The following NDUFAF2 variants were observed in gnomAD, a reference collection of about 807,000 sequenced individuals.
NDUFAF2 encodes the protein NADH:ubiquinone oxidoreductase complex assembly factor 2.
A neutral mutation model predicts 22.8 loss-of-function variants in NDUFAF2; 13 were observed. The ratio of observed to expected loss-of-function variants is 0.57; its 90% CI spans 0.37 to 0.91. NDUFAF2 has a LOEUF of 0.91. Among genes scored for constraint, NDUFAF2 ranks in the 40% least tolerant of loss-of-function variants. NDUFAF2 has a pLI of 0.01. For missense variants in NDUFAF2, 162 were observed against 195.2 expected (o/e 0.83, Z 1.01); for synonymous variants, 53 against 64.2 (o/e 0.83, Z 0.84).
At chr5:61,077,322 CAT>C in intron 2 of NDUFAF2, among the ~76,000 whole-genome samples, 1 of 151,752 alleles carries the variant, frequency 6.6e-6, no homozygotes, top group South Asian at 2.1e-4. Context: ...CTGCCAGAAA[CAT>C]AGGAGAAAAA....
intron 3 of NDUFAF2, among the ~76,000 whole-genome samples, chr5:61,127,798 A>G (rs1001246404): frequency 1.3e-5 from 2 of 152,206 alleles, no homozygotes; most frequent in Non-Finnish European, 2.9e-5. Context: ...GGCCAGGGCA[A>G]TCAGACAGGA....
intron 1 of NDUFAF2, among the ~76,000 whole-genome samples, chr5:60,986,060 A>G (rs751555734): frequency 8.5e-5 from 13 of 152,228 alleles, no homozygotes; most frequent in Non-Finnish European, 1.3e-4. Context: ...GTAAAGTAGT[A>G]TAATCACTAT....
At chr5:61,098,906 A>G in intron 2 of NDUFAF2, 86 bp from the exon 3 acceptor site, 1 of 897,118 alleles carries the variant, frequency 1.1e-6, no homozygotes, top group Non-Finnish European at 1.8e-6. Context: ...AATATGGAGT[A>G]GGTACTCAAA....
intron 2 of NDUFAF2, among the ~76,000 whole-genome samples, chr5:61,086,815 A>G (rs1752510347): frequency 1.3e-5 from 2 of 152,156 alleles, no homozygotes; most frequent in Non-Finnish European, 2.9e-5. Flanking sequence ...TAACAGATTT[A>G]TTAGAGCAAA....
At chr5:61,052,769 G>T (rs1234357606) in intron 1 of NDUFAF2, among the ~76,000 whole-genome samples, 1 of 152,078 alleles carries the variant, frequency 6.6e-6, no homozygotes, top group South Asian at 2.1e-4. Flanking sequence ...ACTGAATTAT[G>T]GGTAATGGTA....
At chr5:61,039,277 G>A (rs533136194) in intron 1 of NDUFAF2, among the ~76,000 whole-genome samples, 3 of 151,854 alleles carry the variant, frequency 2.0e-5, no homozygotes, top group African/African-American at 7.2e-5. Context: ...GATGGGAAGA[G>A]ACTATATTTG....
At chr5:60,967,960 C>G (rs1305901910) in intron 1 of NDUFAF2, among the ~76,000 whole-genome samples, 1 of 151,270 alleles carries the variant, frequency 6.6e-6, no homozygotes, top group Non-Finnish European at 1.5e-5. Flanking sequence ...AGCAGTAAAG[C>G]CATCAGGTTA....
intron 1 of NDUFAF2, among the ~76,000 whole-genome samples, chr5:60,988,603 T>G (rs1012846009): frequency 6.6e-6 from 1 of 151,962 alleles, no homozygotes; most frequent in Non-Finnish European, 1.5e-5. Flanking sequence ...TGGAACAGAA[T>G]AGAGAGCCCA....
chr5:61,087,559 G>A (rs760951211), intron 2 of NDUFAF2, among the ~76,000 whole-genome samples: 4 of 152,152 alleles, frequency 2.6e-5, no homozygotes, highest in Non-Finnish European at 5.9e-5. Flanking sequence ...TCTGACTAGA[G>A]TGTAAAATGT....
intron 1 of NDUFAF2, among the ~76,000 whole-genome samples, chr5:61,067,355 T>A (rs1051105955): frequency 1.5e-5 from 2 of 135,098 alleles, no homozygotes; most frequent in Non-Finnish European, 3.1e-5. Flanking sequence ...TTCCCCTTCC[T>A]GTGTCCATAT....
intron 3 of NDUFAF2, among the ~76,000 whole-genome samples, chr5:61,121,692 A>T (rs1294043010): frequency 6.6e-6 from 1 of 152,082 alleles, no homozygotes; most frequent in East Asian, 1.9e-4. Flanking sequence ...GTATACTTTG[A>T]GTGAAGCAGC....
chr5:60,952,112 A>G (rs1038143927), intron 1 of NDUFAF2, among the ~76,000 whole-genome samples: 3 of 151,970 alleles, frequency 2.0e-5, no homozygotes, highest in African/African-American at 7.2e-5. Context: ...TTCTTGGCCT[A>G]TCTGATGAGT....
At chr5:61,142,136 T>C (rs1180494834) in intron 3 of NDUFAF2, among the ~76,000 whole-genome samples, 1 of 152,212 alleles carries the variant, frequency 6.6e-6, no homozygotes, top group Non-Finnish European at 1.5e-5. Flanking sequence ...TTCAATTAAA[T>C]AGGACTAGCA....
At chr5:61,145,931 T>TGACCTCATGCA (rs1180912255) in intron 3 of NDUFAF2, 2 of 152,188 alleles carry the variant, frequency 1.3e-5, no homozygotes, top group Non-Finnish European at 2.9e-5. Flanking sequence ...TGACTCTCAA[T>TGACCTCATGCA]TGTCAACTCC....
intron 1 of NDUFAF2, among the ~76,000 whole-genome samples, chr5:61,015,757 A>T (rs984183954): frequency 3.3e-5 from 5 of 152,220 alleles, no homozygotes; most frequent in African/African-American, 7.2e-5. Context: ...AAAAATGATT[A>T]AAAAATCTGA....
chr5:61,042,257 A>G (rs1751893149), intron 1 of NDUFAF2, among the ~76,000 whole-genome samples: 1 of 152,152 alleles, frequency 6.6e-6, no homozygotes, highest in South Asian at 2.1e-4. Context: ...TTATTAGAGG[A>G]CCAGTTCCAT....
chr5:61,063,580 G>C (rs917391337), intron 1 of NDUFAF2, among the ~76,000 whole-genome samples: 9 of 152,110 alleles, frequency 5.9e-5, no homozygotes, highest in African/African-American at 2.2e-4. Flanking sequence ...AAAAGATGTA[G>C]ACTGTGGTAT....
At chr5:61,005,623 C>T (rs1177275544) in intron 1 of NDUFAF2, among the ~76,000 whole-genome samples, 2 of 152,100 alleles carry the variant, frequency 1.3e-5, no homozygotes, top group Non-Finnish European at 2.9e-5. Context: ...TTTTAATGAT[C>T]ACCATTCTAA....
rs148944256 is a variant in NDUFAF2, at chr5:61,140,043, G to A, written c.259-12661G>A. Among the ~76,000 whole-genome samples, 7 of 152,304 alleles carry A rather than the reference G, an allele frequency of 4.6e-5. No homozygotes were observed. In the East Asian group the frequency reaches 1.4e-3, roughly 29 times the overall value. ...GTTAGCACATCCTCATTCTTCTTAG[G>A]TGCAGGACAAGAACTCAGGAACCAG... On this transcript the variant is annotated intron_variant, in intron 3 of 3. Coordinates refer to ENST00000296597, the MANE Select transcript of NDUFAF2 (RefSeq NM_174889.5).
Sources: gnomAD v4.1 joint callset for allele counts (sites outside exome capture counted in the v4.1 genomes callset) on GRCh38, gnomAD v4.1.1 for gene constraint, MANE v1.5 for transcripts, NCBI Gene and HGNC (gene_info 2026-07-23, HGNC 2026-07-21) for gene names.